Variants in ADGRA1 observed in about 807,000 individuals in gnomAD.
ADGRA1 encodes adhesion G protein-coupled receptor A1.
ADGRA1 carries 12 observed loss-of-function variants against 21.3 expected under a neutral mutation model. That is an observed-to-expected ratio of 0.56 (90% CI 0.36 to 0.91). The LOEUF (loss-of-function observed/expected upper bound fraction) is 0.91, where lower values mean the gene tolerates loss of function less well. Ranked by LOEUF, ADGRA1 falls within the 40% of genes least tolerant of loss-of-function variation. ADGRA1 has a pLI of 0.01. For missense variants in ADGRA1, 790 were observed against 805.6 expected (o/e 0.98, Z 0.23); for synonymous variants, 385 against 368.8 (o/e 1.04, Z -0.50).
chr10:133,114,524 G>A (rs117535352), intron 5 of ADGRA1, among the ~76,000 whole-genome samples: 7 of 152,204 alleles, frequency 4.6e-5, no homozygotes, highest in East Asian at 1.9e-4. Context: ...CTCCTGTCTC[G>A]CCAGCCTACC....
rs547602846 is a variant in ADGRA1, at chr10:133,129,365, A to T, written c.1537A>T (p.Met513Leu). ...EAALGPGHLE[M>L]LRRTQSLPFG... The stretch of plus-strand genomic sequence containing the variant: ...AGCGCTCGGGCCCGGCCACTTGGAG[A>T]TGCTGCGGAGGACACAGTCCCTGCC... The change falls in exon 7 of 7, where the codon ATG becomes TTG. Residue 513 changes from methionine to leucine, a missense_variant. By Grantham distance (15) the Met-to-Leu change is conservative. Coordinates refer to ENST00000392607, the MANE Select transcript of ADGRA1 (RefSeq NM_001083909.3). 1.3e-6 allele frequency: 2 copies of T among 1,598,274 alleles called. No individual in the cohort carries two copies. Among genetic ancestry groups the T allele is most frequent in the African/African-American group, 1.3e-5 (1 of 74,666 alleles).
In ADGRA1 at chr10:133,096,947, C is replaced by T. The variant is rs143650873; in HGVS notation, c.4-27C>T. 857 of 1,596,500 alleles carry T rather than the reference C, an allele frequency of 5.4e-4. 7 individuals are homozygous for T. In the African/African-American group the frequency reaches 8.1e-3, roughly 15 times the overall value. On this transcript the variant is annotated intron_variant, in intron 2 of 6. Coordinates refer to ENST00000392607, the MANE Select transcript of ADGRA1 (RefSeq NM_001083909.3). ...CCCACACAGACCCACCAGCCAGTCACACACGTCTCCTTTGCTTTATCCTCA... is the reference window on the plus strand; with the variant it reads ...CCCACACAGACCCACCAGCCAGTCATACACGTCTCCTTTGCTTTATCCTCA...
At position 133,128,511 on chromosome 10, in the gene ADGRA1, G is replaced by T. The variant is rs1384273049; in HGVS notation, c.683G>T (p.Arg228Leu). 1.4e-5 allele frequency: 21 copies of T among 1,547,260 alleles called. No homozygotes were observed. In the East Asian group the frequency reaches 5.1e-4, roughly 38 times the overall value. ...QRRLATPEGG[R>L]GIRPGTPPAH... The stretch of plus-strand genomic sequence containing the variant: ...CGGCTGGCGACACCCGAGGGCGGCC[G>T]TGGGATCCGGCCAGGCACCCCACCC... The change falls in exon 7 of 7, where the codon CGT becomes CTT. Residue 228 changes from arginine to leucine, a missense_variant. By Grantham distance (102) the Arg-to-Leu change is moderately radical. This residue lies in a region of ADGRA1 where 382 missense variants were observed against 415.6 expected (regional missense o/e 0.92). Transcript: ENST00000392607.
At position 133,131,441 on chromosome 10, in the gene ADGRA1, G is replaced by A. The variant is rs1202346987; in HGVS notation, c.*1930G>A. 1 of 152,300 alleles carries A rather than the reference G, an allele frequency of 6.6e-6. No homozygotes were observed. The highest frequency in any genetic ancestry group is 1.5e-5 in the Non-Finnish European group (1 of 68,094). 9.4% of individuals were successfully genotyped at this position (152,300 alleles called of 1,614,324 possible). A position where few individuals can be genotyped will look rare whatever the true frequency, so the allele number is the denominator to read the frequency against. On this transcript the variant is annotated 3_prime_UTR_variant, in exon 7 of 7. Transcript: ENST00000392607. ...TCTTGGCATTGTTTGTTCTTTGTGA[G>A]GCTGGTTAATAGCATCCCCGTGTGT...
At position 133,128,620 on chromosome 10, in the gene ADGRA1, C is replaced by T. The variant is rs1852434063; in HGVS notation, c.792C>T (p.Phe264=). 3 of 1,605,950 alleles carry T rather than the reference C, an allele frequency of 1.9e-6. No homozygotes were observed. The highest frequency in any genetic ancestry group is 2.7e-5 in the African/African-American group (2 of 74,958). The part of the protein sequence containing the change: ...AQLRAAAFTL[F]LFTATWAFGA... ...TGCGCGCCGCCGCCTTCACGCTGTT[C>T]CTGTTCACGGCCACGTGGGCCTTCG... is the stretch of plus-strand genomic sequence containing the variant. The change falls in exon 7 of 7, where the codon TTC becomes TTT. Residue 264 remains phenylalanine, a synonymous_variant. Coordinates refer to ENST00000392607, the MANE Select transcript of ADGRA1 (RefSeq NM_001083909.3).
At chr10:133,103,752 G>A (rs554905162) in intron 5 of ADGRA1, among the ~76,000 whole-genome samples, 1 of 152,334 alleles carries the variant, frequency 6.6e-6, no homozygotes, top group Admixed American at 6.5e-5. Flanking sequence ...GGCCGCGGCC[G>A]TGACCAGGCC....
chr10:133,103,444 G>A (rs1851835579), intron 5 of ADGRA1, among the ~76,000 whole-genome samples: 1 of 152,218 alleles, frequency 6.6e-6, no homozygotes, highest in Non-Finnish European at 1.5e-5. Flanking sequence ...TCTCTGCTGT[G>A]TGAGGCCCGG....
chr10:133,103,607 C>A (rs527975207), intron 5 of ADGRA1, among the ~76,000 whole-genome samples: 3 of 152,344 alleles, frequency 2.0e-5, no homozygotes, highest in Admixed American at 2.0e-4. Flanking sequence ...ATGGCACAGA[C>A]CTCCCTCCCT....
At chr10:133,119,076 A>G (rs1852208385) in intron 5 of ADGRA1, among the ~76,000 whole-genome samples, 1 of 152,130 alleles carries the variant, frequency 6.6e-6, no homozygotes, top group Non-Finnish European at 1.5e-5. Context: ...GCACACACAC[A>G]CGCACTCACA....
intron 5 of ADGRA1, among the ~76,000 whole-genome samples, chr10:133,126,665 C>G (rs747359665): frequency 6.6e-6 from 1 of 152,222 alleles, no homozygotes; most frequent in South Asian, 2.1e-4. Context: ...AAGGTCAGCC[C>G]CTGCCCTGGG....
chr10:133,103,474 G>A (rs998843020), intron 5 of ADGRA1, among the ~76,000 whole-genome samples: 10 of 152,166 alleles, frequency 6.6e-5, no homozygotes, highest in East Asian at 1.9e-4. Context: ...TGGGACACTC[G>A]CCCTCCCCCG....
At chr10:133,107,978 C>T (rs1851922172) in intron 5 of ADGRA1, among the ~76,000 whole-genome samples, 1 of 152,260 alleles carries the variant, frequency 6.6e-6, no homozygotes, top group Admixed American at 6.5e-5. Flanking sequence ...TTGGGTACAG[C>T]AGAGGGGTGT....
At chr10:133,093,731 G>A (rs111420172) in intron 2 of ADGRA1, among the ~76,000 whole-genome samples, 1 of 152,202 alleles carries the variant, frequency 6.6e-6, no homozygotes, top group Non-Finnish European at 1.5e-5. Context: ...GCTGCATTGC[G>A]AGCCGAGGGT....
chr10:133,124,570 G>A (rs980201580), intron 5 of ADGRA1, among the ~76,000 whole-genome samples: 5 of 152,376 alleles, frequency 3.3e-5, no homozygotes, highest in East Asian at 3.9e-4. Flanking sequence ...GCCATTCCCC[G>A]ACGCCCAGAG....
At chr10:133,115,542 G>A (rs560802498) in intron 5 of ADGRA1, among the ~76,000 whole-genome samples, 4 of 152,318 alleles carry the variant, frequency 2.6e-5, no homozygotes, top group African/African-American at 9.6e-5. Context: ...CCTGGCCCAT[G>A]CTTGGCAGAA....
intron 5 of ADGRA1, among the ~76,000 whole-genome samples, chr10:133,112,751 CGTCGGTTATTTGGGGTCTGTAAGCTAT>C (rs1162929957): frequency 9.3e-4 from 57 of 61,394 alleles, no homozygotes; most frequent in South Asian, 2.5e-3. Flanking sequence ...CTGCGGGCCG[CGTCGGTTATTTGGGGTCTGTAAGCTAT>C]GTCGGTTATT....
At chr10:133,121,935 G>A (rs1192578251) in intron 5 of ADGRA1, among the ~76,000 whole-genome samples, 1 of 150,486 alleles carries the variant, frequency 6.6e-6, no homozygotes, top group Non-Finnish European at 1.5e-5. Flanking sequence ...GTGTGCCAGT[G>A]TGTGTGTGAG....
intron 2 of ADGRA1, 124 bp from the exon 3 acceptor site, chr10:133,096,850 C>A: frequency 8.3e-7 from 1 of 1,209,498 alleles, no homozygotes; most frequent in Non-Finnish European, 1.2e-6. Flanking sequence ...TTCCCTGAGA[C>A]CCCACACGAA....
At chr10:133,097,735 A>G (rs1041046582) in intron 3 of ADGRA1, among the ~76,000 whole-genome samples, 26 of 152,334 alleles carry the variant, frequency 1.7e-4, no homozygotes, top group African/African-American at 5.8e-4. Flanking sequence ...GTTTATCGAC[A>G]GGAGAAACTG....
Sources: allele counts gnomAD v4.1 joint callset (sites outside exome capture counted in the v4.1 genomes callset), GRCh38; gene constraint gnomAD v4.1.1; regional missense constraint gnomAD v4.1.1; transcripts MANE v1.5; gene names NCBI Gene and HGNC (gene_info 2026-07-23, HGNC 2026-07-21).